The following ADGRB1 variants were observed in gnomAD, a reference collection of about 807,000 sequenced individuals.
The protein encoded by ADGRB1 is adhesion G protein-coupled receptor B1.
Under a neutral mutation model 175.7 loss-of-function variants are expected in ADGRB1, and 36 were observed. The ratio of observed to expected loss-of-function variants is 0.20; its 90% CI spans 0.16 to 0.27. The LOEUF (loss-of-function observed/expected upper bound fraction) is 0.27, where lower values mean the gene tolerates loss of function less well. ADGRB1 is among the 10% of genes least tolerant of loss of function. The pLI is 1.00. For missense variants in ADGRB1, 1,731 were observed against 2,255.3 expected, an observed-to-expected ratio of 0.77 and a Z score of 4.71; for synonymous variants, 1,054 against 979.4, an observed-to-expected ratio of 1.08 and a Z score of -1.42.
In ADGRB1 at chr8:142,492,378, A is replaced by T. The variant is rs1190982878; in HGVS notation, c.2675+1563A>T. 1.3e-5 allele frequency among the ~76,000 whole-genome samples: 2 copies of T among 151,976 alleles called. No individual in the cohort carries two copies. Among genetic ancestry groups the T allele is most frequent in the African/African-American group, 4.8e-5 (2 of 41,370 alleles). On this transcript the variant is annotated intron_variant, in intron 17 of 30. Coordinates refer to ENST00000517894, the MANE Select transcript of ADGRB1 (RefSeq NM_001702.3). The surrounding 1 kb of genome is among the most constrained non-coding windows in gnomAD (Gnocchi z 4.4). ...AGGGATGGGGAACAGGGACAGACGGAGCAGTGTGGTGATGCCCGGCCGTGC... is the reference window on the plus strand; with the variant it reads ...AGGGATGGGGAACAGGGACAGACGGTGCAGTGTGGTGATGCCCGGCCGTGC...
intron 2 of ADGRB1, among the ~76,000 whole-genome samples, chr8:142,469,775 G>A (rs1008574395): frequency 6.6e-6 from 1 of 151,960 alleles, no homozygotes; most frequent in Non-Finnish European, 1.5e-5. Flanking sequence ...ATGTGTGTAT[G>A]TCTCTGTGTG....
Position 142,511,312 on chromosome 8 carries a change from C to G in ADGRB1, c.2817+239C>G, listed in dbSNP as rs550679964. On this transcript the variant is annotated intron_variant, in intron 18 of 30. Coordinates refer to ENST00000517894, the MANE Select transcript of ADGRB1 (RefSeq NM_001702.3). The surrounding 1 kb of genome is among the most constrained non-coding windows in gnomAD (Gnocchi z 4.5). ...CGGGCCTGGGAGGAGTCGGGACCCC[C>G]GGAAAGTGGCTGATGGGTGGGTCCC... Among the ~76,000 whole-genome samples, 57 of 152,062 alleles carry G rather than the reference C, an allele frequency of 3.7e-4. No individual in the cohort carries two copies. In the South Asian group the frequency reaches 0.012, roughly 31 times the overall value.
intron 17 of ADGRB1, among the ~76,000 whole-genome samples, chr8:142,494,235 G>C (rs1842112708): frequency 6.6e-6 from 1 of 152,266 alleles, no homozygotes; most frequent in East Asian, 1.9e-4. Context: ...TTCACACACT[G>C]AGTTCTGATC....
At chr8:142,477,814 C>T (rs1841064516) in intron 6 of ADGRB1, among the ~76,000 whole-genome samples, 1 of 151,654 alleles carries the variant, frequency 6.6e-6, no homozygotes, top group African/African-American at 2.4e-5. Flanking sequence ...ATGCCATGTC[C>T]CAGGCTGGGT....
chr8:142,542,696 G>A lies in ADGRB1; in HGVS notation c.4413+49G>A, dbSNP rs990624507. 13 of 1,479,356 alleles carry A rather than the reference G, an allele frequency of 8.8e-6. No homozygotes were observed. The highest frequency in any genetic ancestry group is 1.1e-5 in the Non-Finnish European group (12 of 1,104,522). 91.6% of individuals were successfully genotyped at this position (1,479,356 alleles called of 1,614,324 possible). ...CACCCCAGCCAGCGAGGGCAGGGCT[G>A]CAGCAGCTGGGTCACCCCTGCTGGG... On this transcript the variant is annotated intron_variant, in intron 28 of 30. Coordinates refer to ENST00000517894, the MANE Select transcript of ADGRB1 (RefSeq NM_001702.3). The surrounding 1 kb of genome is among the most constrained non-coding windows in gnomAD (Gnocchi z 6.3).
At position 142,537,168 on chromosome 8, in the gene ADGRB1, C is replaced by G. The variant is rs1318310704; in HGVS notation, c.3666+86C>G. The G allele has an allele frequency of 5.5e-6, 6 of 1,089,614 alleles. No homozygotes were observed. Among genetic ancestry groups the G allele is most frequent in the Non-Finnish European group, 7.5e-6 (6 of 805,124 alleles). 67.5% of individuals were successfully genotyped at this position (1,089,614 alleles called of 1,614,324 possible). ...CTCCAGGCCCTCACCGTGCCCCAAG[C>G]TCCCCTAGGCCCCAGCAACCCTGCT... On this transcript the variant is annotated intron_variant, in intron 26 of 30. Transcript: ENST00000517894. The surrounding 1 kb of genome is among the most constrained non-coding windows in gnomAD (Gnocchi z 4.6).
chr8:142,543,604 A>G lies in ADGRB1; in HGVS notation c.4453A>G (p.Ile1485Val). The change falls in exon 30 of 31, where the codon ATC (isoleucine) becomes GTC (valine). Residue 1485 changes from isoleucine (I) to valine (V), a missense_variant. Transcript: ENST00000517894. This position sits in a 1 kb window ranked among gnomAD's most constrained non-coding sequence, Gnocchi z 4.4. ...ACTGCCCAGACCCCGCCTGCAGAAG[A>G]TCATGCACACCCGGAAGCGGCACCA... ...SRYAELDFEKIMHTRKRHQDM... is the reference protein window; with the variant it reads ...SRYAELDFEKVMHTRKRHQDM... 1 of 1,571,736 alleles carries G rather than the reference A, an allele frequency of 6.4e-7. No individual in the cohort carries two copies. The highest frequency in any genetic ancestry group is 8.6e-7 in the Non-Finnish European group (1 of 1,158,628).
chr8:142,464,471 G>T lies in ADGRB1; in HGVS notation c.273G>T (p.Val91=), dbSNP rs531525594. The T allele has an allele frequency of 2.3e-4, 357 of 1,581,878 alleles. 4 individuals are homozygous for T. The South Asian group carries it at 3.8e-3, about 17-fold the overall frequency. ...TLYMKVAKAP[V]PCSGPGRVRT... is the part of the protein sequence containing the mutation. ...ACATGAAGGTGGCCAAGGCGCCCGT[G>T]CCCTGCAGCGGCCCCGGCCGCGTGC... The change falls in exon 2 of 31, where the codon GTG becomes GTT. Residue 91 remains valine, a synonymous_variant. Coordinates refer to ENST00000517894, the MANE Select transcript of ADGRB1 (RefSeq NM_001702.3).
rs1840119825 is a variant in ADGRB1 at position 142,464,238 on chromosome 8, C to G, written c.40C>G (p.Leu14Val). Residue 14 changes from leucine to valine, a missense_variant, in exon 2 of 31, where the codon CTC becomes GTC. Leu to Val is a conservative substitution (Grantham distance 32). Transcript: ENST00000517894. ...QAAAPGPVWI[L>V]APLLLLLLLL... ...CGCCGCCCCGGGCCCCGTCTGGATC[C>G]TCGCCCCGCTGCTACTGCTGCTGCT... 7.5e-7 allele frequency: 1 copy of G among 1,336,422 alleles called. No individual in the cohort carries two copies. The highest frequency in any genetic ancestry group is 9.5e-7 in the Non-Finnish European group (1 of 1,052,090). 82.8% of individuals were successfully genotyped at this position (1,336,422 alleles called of 1,614,324 possible).
intron 1 of ADGRB1, among the ~76,000 whole-genome samples, chr8:142,454,663 G>A (rs559594245): frequency 7.8e-4 from 118 of 152,092 alleles, no homozygotes; most frequent in Non-Finnish European, 1.4e-3. Flanking sequence ...AGGCCCCAGC[G>A]CCTCCTTTCC....
At chr8:142,540,817 G>A (rs1308946145) in intron 27 of ADGRB1, among the ~76,000 whole-genome samples, 1 of 152,042 alleles carries the variant, frequency 6.6e-6, no homozygotes, top group Non-Finnish European at 1.5e-5. Context: ...GGGTAGGGAC[G>A]AGGGAAGGGG....
chr8:142,529,470 C>T (rs1844460317), intron 24 of ADGRB1, among the ~76,000 whole-genome samples: 1 of 152,146 alleles, frequency 6.6e-6, no homozygotes, highest in South Asian at 2.1e-4. Flanking sequence ...TTCTCTGCCG[C>T]CAGTGCCACC....
At position 142,450,124 on chromosome 8, in the gene ADGRB1, G is replaced by T. The variant is rs1177628986; in HGVS notation, c.-220+20G>T. Reference sequence around the variant, plus strand: ...GGGAAGGTAAGGAAGGCTCCGGCGGGGGGCTGGGGGCGCGGCGGGTGGGGG... The same window carrying T: ...GGGAAGGTAAGGAAGGCTCCGGCGGTGGGCTGGGGGCGCGGCGGGTGGGGG... On this transcript the variant is annotated intron_variant, in intron 1 of 30. Transcript: ENST00000517894. 1 of 149,564 alleles carries T rather than the reference G, an allele frequency of 6.7e-6. No homozygotes were observed. The highest frequency in any genetic ancestry group is 1.5e-5 in the Non-Finnish European group (1 of 66,740). The allele number at this position is 149,564 out of a possible 1,614,324, so 9.3% of individuals were successfully genotyped here. A position where few individuals can be genotyped will look rare whatever the true frequency, so the allele number is the denominator to read the frequency against.
intron 6 of ADGRB1, 129 bp from the exon 7 acceptor site, chr8:142,478,058 A>C (rs2131803413): frequency 7.9e-7 from 1 of 1,267,864 alleles, no homozygotes; most frequent in Non-Finnish European, 1.1e-6. Flanking sequence ...GGTGGCCCCC[A>C]GGGTGTTCTC....
intron 13 of ADGRB1, among the ~76,000 whole-genome samples, chr8:142,485,924 G>A (rs1466776504): frequency 6.6e-6 from 1 of 152,180 alleles, no homozygotes; most frequent in Non-Finnish European, 1.5e-5. Flanking sequence ...CATGGCAGAG[G>A]CAGCCCATGA....
chr8:142,475,596 C>G lies in ADGRB1; in HGVS notation c.907C>G (p.Leu303Val), dbSNP rs1260398257. Residue 303 changes from leucine (L) to valine (V), a missense_variant, in exon 3 of 31, where the codon CTG becomes GTG. Leu to Val is a conservative substitution (Grantham distance 32). Coordinates refer to ENST00000517894, the MANE Select transcript of ADGRB1 (RefSeq NM_001702.3). ...GGAGGGCGGCGGCTGCGAGGGGGTG[C>G]TGGAGGAGGGTCGCCAGTGCAACCG... ...GVEGGGCEGV[L>V]EEGRQCNREA... 12 of 1,244,680 alleles carry G rather than the reference C, an allele frequency of 9.6e-6. No homozygotes were observed. Among genetic ancestry groups the G allele is most frequent in the Non-Finnish European group, 1.2e-5 (12 of 994,698 alleles). 77.1% of individuals were successfully genotyped at this position (1,244,680 alleles called of 1,614,324 possible). A position where few individuals can be genotyped will look rare whatever the true frequency, so the allele number is the denominator to read the frequency against.
In ADGRB1 at chr8:142,542,593, G is replaced by GGGGCCCAGCACC; in HGVS notation, c.4360_4371dup (p.Gly1454_Thr1457dup). ...CTGCCGCCCATCCGGGACCCAGCAC[G>GGGGCCCAGCACC]GGGCCCAGCACCAAGAACGAGAATG... is the stretch of plus-strand genomic sequence containing the variant. On this transcript the variant is annotated inframe_insertion, in exon 28 of 31. Transcript: ENST00000517894. This position sits in a 1 kb window ranked among gnomAD's most constrained non-coding sequence, Gnocchi z 6.3. 1 of 1,535,626 alleles carries GGGGCCCAGCACC rather than the reference G, an allele frequency of 6.5e-7. No individual in the cohort carries two copies. Among genetic ancestry groups the GGGGCCCAGCACC allele is most frequent in the Non-Finnish European group, 8.8e-7 (1 of 1,139,514 alleles).
chr8:142,526,503 G>GGCCCCC, intron 23 of ADGRB1, 39 bp from the exon 24 acceptor site: 191 of 1,259,036 alleles, frequency 1.5e-4, no homozygotes, highest in Non-Finnish European at 1.7e-4. Context: ...GCCTACGGCG[G>GGCCCCC]CCCCCACCCC....
intron 26 of ADGRB1, among the ~76,000 whole-genome samples, chr8:142,538,998 AACAC>A (rs981733123): frequency 9.2e-5 from 14 of 152,280 alleles, no homozygotes; most frequent in East Asian, 1.9e-4. Flanking sequence ...ACACCTCAGA[AACAC>A]ACACACAGCC....
Sources: gnomAD v4.1 joint callset for allele counts (sites outside exome capture counted in the v4.1 genomes callset) on GRCh38, gnomAD v4.1.1 for gene constraint, Gnocchi (gnomAD v3.1) non-coding constraint, MANE v1.5 for transcripts, NCBI Gene and HGNC (gene_info 2026-07-23, HGNC 2026-07-21) for gene names.